The following PI4KA variants were observed in gnomAD, a reference collection of about 807,000 sequenced individuals.
The protein encoded by PI4KA is phosphatidylinositol 4-kinase alpha, also known as PI4-kinase alpha.
PI4KA carries 122 observed loss-of-function variants against 271.4 expected under a neutral mutation model. The ratio of observed to expected loss-of-function variants is 0.45; its 90% CI spans 0.39 to 0.52. PI4KA has a LOEUF of 0.52. Ranked by LOEUF, PI4KA falls within the 20% of genes least tolerant of loss-of-function variation. PI4KA has a pLI of 0.00. For synonymous variants in PI4KA, 1,041 were observed against 1,078.8 expected, an observed-to-expected ratio of 0.96 and a Z score of 0.69; for missense variants, 1,969 against 2,769.1, an observed-to-expected ratio of 0.71 and a Z score of 6.48.
At chr22:20,780,031 T>A in intron 19 of PI4KA, 1 of 1,614,076 alleles carries the variant, frequency 6.2e-7, no homozygotes, top group Non-Finnish European at 8.5e-7. Flanking sequence ...AAAACTAAAG[T>A]AAGAGAGTAT....
intron 32 of PI4KA, among the ~76,000 whole-genome samples, chr22:20,737,062 C>G (rs1928820078): frequency 6.6e-6 from 1 of 152,208 alleles, no homozygotes; most frequent in Non-Finnish European, 1.5e-5. Flanking sequence ...GGCTGCTAAT[C>G]AGTTCACCAT....
At chr22:20,835,045 T>C (rs1203017444) in intron 2 of PI4KA, among the ~76,000 whole-genome samples, 1 of 152,052 alleles carries the variant, frequency 6.6e-6, no homozygotes, top group African/African-American at 2.4e-5. Flanking sequence ...CAGAATAAGA[T>C]CCTGGGGATG....
Position 20,796,278 on chromosome 22 carries a change from G to A in PI4KA, c.2145C>T (p.Asn715=). The A allele has an allele frequency of 1.2e-6, 2 of 1,614,074 alleles. No homozygotes were observed. Among genetic ancestry groups the A allele is most frequent in the Non-Finnish European group, 1.7e-6 (2 of 1,179,974 alleles). Residue 715 remains asparagine, a synonymous_variant, in exon 18 of 55, where the codon AAC becomes AAT. Coordinates refer to ENST00000255882, the MANE Select transcript of PI4KA (RefSeq NM_058004.4). Reference sequence around the variant, plus strand: ...GCTCGTCTTGGATGTTGGCCGCGATGTTGGCCAGGGCATTAATCACTGCCA... The same window carrying A: ...GCTCGTCTTGGATGTTGGCCGCGATATTGGCCAGGGCATTAATCACTGCCA... ...CSLAVINALA[N]IAANIQDEHL... is the part of the protein sequence containing the mutation.
At chr22:20,716,067 T>C (rs78393688) in intron 45 of PI4KA, among the ~76,000 whole-genome samples, 3 of 152,134 alleles carry the variant, frequency 2.0e-5, no homozygotes, top group Non-Finnish European at 2.9e-5. Context: ...TTTTTTTTTT[T>C]TGAGACCAAG....
intron 45 of PI4KA, among the ~76,000 whole-genome samples, chr22:20,716,989 T>TA (rs1926081564): frequency 6.6e-6 from 1 of 152,170 alleles, no homozygotes; most frequent in Non-Finnish European, 1.5e-5. Context: ...CTCATGCCTG[T>TA]AATCCTAGCA....
intron 29 of PI4KA, among the ~76,000 whole-genome samples, chr22:20,746,280 T>C (rs986405969): frequency 1.2e-4 from 18 of 151,930 alleles, no homozygotes; most frequent in African/African-American, 3.9e-4. Flanking sequence ...GCCAGGATGG[T>C]CTCGATCCAC....
Position 20,852,600 on chromosome 22 carries a change from A to G in PI4KA, c.156+5970T>C, listed in dbSNP as rs192145505. Among the ~76,000 whole-genome samples the G allele has an allele frequency of 5.1e-3, 777 of 152,288 alleles. 24 individuals are homozygous for G. Among genetic ancestry groups the G allele is most frequent in the Non-Finnish European group, 3.1e-3 (208 of 68,032 alleles). On this transcript the variant is annotated intron_variant, in intron 1 of 54. Coordinates refer to ENST00000255882, the MANE Select transcript of PI4KA (RefSeq NM_058004.4). The stretch of plus-strand genomic sequence containing the variant: ...CTTAAAATATTTTCTAGTTGATTTA[A>G]TAACAATGATTCTGGCACCGCGTAT...
chr22:20,857,145 A>G (rs1927698818), intron 1 of PI4KA, among the ~76,000 whole-genome samples: 1 of 152,224 alleles, frequency 6.6e-6, no homozygotes, highest in African/African-American at 2.4e-5. Flanking sequence ...TACTCCTATG[A>G]AGTACTACCT....
At chr22:20,799,816 G>GT (rs1569047717) in intron 14 of PI4KA, 50 bp from the exon 15 acceptor site, 2 of 1,193,118 alleles carry the variant, frequency 1.7e-6, no homozygotes, top group South Asian at 1.4e-5. Context: ...ACCAAGATAG[G>GT]TTTTTTGTTT....
intron 1 of PI4KA, 112 bp from the exon 2 acceptor site, chr22:20,838,843 T>A: frequency 1.6e-6 from 1 of 644,006 alleles, no homozygotes; most frequent in African/African-American, 1.8e-5. Context: ...TTCAGGAGGC[T>A]GAGGTGGGAG....
At chr22:20,847,551 C>G (rs1162605726) in intron 1 of PI4KA, among the ~76,000 whole-genome samples, 1 of 151,942 alleles carries the variant, frequency 6.6e-6, no homozygotes, top group Non-Finnish European at 1.5e-5. Context: ...ATGGTGAAAC[C>G]CAAGACCAAC....
intron 1 of PI4KA, among the ~76,000 whole-genome samples, chr22:20,839,116 C>T (rs1232078171): frequency 6.6e-6 from 1 of 152,144 alleles, no homozygotes; most frequent in Admixed American, 6.5e-5. Context: ...ACTTGGGAGG[C>T]TGAGGCAGAA....
chr22:20,752,879 A>C (rs779915941), intron 25 of PI4KA, 24 bp downstream of exon 25: 13 of 1,611,528 alleles, frequency 8.1e-6, no homozygotes, highest in Non-Finnish European at 1.1e-5. Flanking sequence ...TACACACAAA[A>C]CATTAGCAGG....
intron 7 of PI4KA, among the ~76,000 whole-genome samples, chr22:20,817,316 G>T (rs1484468141): frequency 6.6e-6 from 1 of 152,112 alleles, no homozygotes; most frequent in Non-Finnish European, 1.5e-5. Context: ...CCCTTAATCT[G>T]GGTCTTACTT....
At chr22:20,827,010 A>G (rs746602084) in intron 3 of PI4KA, among the ~76,000 whole-genome samples, 19 of 152,042 alleles carry the variant, frequency 1.2e-4, no homozygotes, top group Non-Finnish European at 2.5e-4. Context: ...CTCTCTTGAC[A>G]GTTTATTTTA....
chr22:20,793,846 C>T (rs995459911), intron 18 of PI4KA, among the ~76,000 whole-genome samples: 3 of 152,254 alleles, frequency 2.0e-5, no homozygotes, highest in African/African-American at 7.2e-5. Flanking sequence ...AGCTAATCTT[C>T]AGTACACACT....
intron 22 of PI4KA, chr22:20,764,534 T>A: frequency 2.9e-6 from 1 of 345,588 alleles, no homozygotes. Context: ...GCTCAGTCCG[T>A]GGGCTGAGTT....
chr22:20,834,288 G>C (rs1924582102), intron 3 of PI4KA, among the ~76,000 whole-genome samples: 1 of 152,170 alleles, frequency 6.6e-6, no homozygotes, highest in Admixed American at 6.5e-5. Context: ...TGAGACATGA[G>C]AAAAGGTTCT....
intron 19 of PI4KA, chr22:20,786,845 C>T (rs993981149): frequency 6.2e-7 from 1 of 1,612,664 alleles, no homozygotes; most frequent in Admixed American, 1.7e-5. Context: ...TGCTGACCTC[C>T]AGAATCTGAC....
Sources: allele counts gnomAD v4.1 joint callset (sites outside exome capture counted in the v4.1 genomes callset), GRCh38; gene constraint gnomAD v4.1.1; transcripts MANE v1.5; gene names NCBI Gene and HGNC (gene_info 2026-07-23, HGNC 2026-07-21).